FRAS1: variants seen among roughly 807,000 people sequenced by gnomAD.
FRAS1 encodes extracellular matrix organizing protein FRAS1.
Under a neutral mutation model 435.2 loss-of-function variants are expected in FRAS1, and 290 were observed. The observed-to-expected ratio is 0.67, with a 90% CI of 0.61 to 0.73. The LOEUF (loss-of-function observed/expected upper bound fraction) is 0.73, where lower values mean the gene tolerates loss of function less well. Among genes scored for constraint, FRAS1 ranks in the 30% least tolerant of loss-of-function variants. The pLI is 0.00. For missense variants in FRAS1, 4,860 were observed against 5,001.5 expected, an observed-to-expected ratio of 0.97 and a Z score of 0.85; for synonymous variants, 1,800 against 1,851.0, an observed-to-expected ratio of 0.97 and a Z score of 0.71.
At chr4:78,418,359 T>C (rs1395345400) in intron 32 of FRAS1, among the ~76,000 whole-genome samples, 1 of 152,156 alleles carries the variant, frequency 6.6e-6, no homozygotes, top group Non-Finnish European at 1.5e-5. Context: ...GCATCACAGT[T>C]TCCATTAGCA....
chr4:78,078,784 T>C (rs1322167296), intron 2 of FRAS1, among the ~76,000 whole-genome samples: 3 of 152,098 alleles, frequency 2.0e-5, no homozygotes, highest in Non-Finnish European at 4.4e-5. Context: ...AAAATACAAG[T>C]AGCAAACAAA....
At chr4:78,286,356 A>G in intron 13 of FRAS1, 49 bp from the exon 14 acceptor site, 1 of 1,609,478 alleles carries the variant, frequency 6.2e-7, no homozygotes, top group South Asian at 1.1e-5. Flanking sequence ...GGTGTCTTTC[A>G]GCTAATCAAA....
chr4:78,463,506 T>C (rs932496083), intron 47 of FRAS1, among the ~76,000 whole-genome samples: 4 of 152,170 alleles, frequency 2.6e-5, no homozygotes, highest in Non-Finnish European at 5.9e-5. Context: ...AAAAAGAACC[T>C]TGAAGAATAT....
intron 45 of FRAS1, 98 bp downstream of exon 45, chr4:78,450,437 G>C (rs1226938486): frequency 6.1e-5 from 59 of 961,836 alleles, no homozygotes; most frequent in Non-Finnish European, 1.2e-5. Context: ...AATAAACTGT[G>C]CACTCTTTGT....
At chr4:78,234,514 C>G (rs945528159) in intron 2 of FRAS1, among the ~76,000 whole-genome samples, 1 of 152,078 alleles carries the variant, frequency 6.6e-6, no homozygotes, top group African/African-American at 2.4e-5. Context: ...CGTGAGCTGC[C>G]GCACCTGGCC....
chr4:78,195,508 G>A (rs1722763051), intron 2 of FRAS1, among the ~76,000 whole-genome samples: 1 of 152,224 alleles, frequency 6.6e-6, no homozygotes, highest in African/African-American at 2.4e-5. Context: ...CCACCTTGCA[G>A]TTTGATCTCA....
At chr4:78,400,936 T>G (rs778530682) in intron 30 of FRAS1, 49 bp downstream of exon 30, 1 of 1,582,840 alleles carries the variant, frequency 6.3e-7, no homozygotes, top group South Asian at 1.1e-5. Context: ...TTCAGCAGTC[T>G]AGGGTTTGCT....
At chr4:78,157,113 A>G (rs1375040178) in intron 2 of FRAS1, among the ~76,000 whole-genome samples, 6 of 152,114 alleles carry the variant, frequency 3.9e-5, no homozygotes, top group South Asian at 4.1e-4. Context: ...ACCTAGGACA[A>G]TGGCCTCCAG....
chr4:78,191,534 C>T (rs201453308), intron 2 of FRAS1, among the ~76,000 whole-genome samples: 5 of 142,810 alleles, frequency 3.5e-5, no homozygotes, highest in Admixed American at 6.9e-5. Flanking sequence ...GTATTATTTT[C>T]TTTTTTTTTT....
chr4:78,255,841 C>T (rs1006271264), intron 6 of FRAS1, among the ~76,000 whole-genome samples: 11 of 152,276 alleles, frequency 7.2e-5, no homozygotes, highest in African/African-American at 2.4e-4. Flanking sequence ...TCTCTGAGGA[C>T]GTTTAAGATA....
At chr4:78,535,468 GA>G (rs1187813810) in intron 71 of FRAS1, among the ~76,000 whole-genome samples, 3 of 152,112 alleles carry the variant, frequency 2.0e-5, no homozygotes, top group Non-Finnish European at 4.4e-5. Context: ...CCCAAGTCTG[GA>G]CTTGTCTCCT....
chr4:78,274,935 T>A (rs1726917110), intron 9 of FRAS1, among the ~76,000 whole-genome samples: 1 of 152,142 alleles, frequency 6.6e-6, no homozygotes. Flanking sequence ...CCCATTATTA[T>A]TGTGTGGGAG....
intron 2 of FRAS1, among the ~76,000 whole-genome samples, chr4:78,072,828 TG>T (rs1183185304): frequency 2.6e-5 from 4 of 152,136 alleles, no homozygotes; most frequent in Non-Finnish European, 5.9e-5. Context: ...ACATCCTTAC[TG>T]TGCTAGGTGT....
At chr4:78,442,816 G>A (rs1734709266) in intron 41 of FRAS1, among the ~76,000 whole-genome samples, 1 of 152,182 alleles carries the variant, frequency 6.6e-6, no homozygotes, top group South Asian at 2.1e-4. Context: ...TAGGAGGTTG[G>A]TGTGGGCCTG....
intron 2 of FRAS1, among the ~76,000 whole-genome samples, chr4:78,190,532 A>T (rs1392709138): frequency 6.6e-6 from 1 of 150,472 alleles, no homozygotes; most frequent in African/African-American, 2.4e-5. Flanking sequence ...AAGTCTTCCC[A>T]CCCACCTATC....
chr4:78,387,274 A>G lies in FRAS1; in HGVS notation c.3649-101A>G, dbSNP rs532906381. ...AGTTTGGTGCTTTGCTAGAACACTT[A>G]GAGTTTCTCAAAAAGTATAGGAATA... On this transcript the variant is annotated intron_variant, in intron 28 of 73. Coordinates refer to ENST00000512123, the MANE Select transcript of FRAS1 (RefSeq NM_025074.7). The G allele has an allele frequency of 4.0e-5, 35 of 865,426 alleles. No individual in the cohort carries two copies. The Admixed American group carries it at 8.2e-4, about 20-fold the overall frequency. The allele number at this position is 865,426 out of a possible 1,614,324, so 53.6% of individuals were successfully genotyped here.
At position 78,112,709 on chromosome 4, in the gene FRAS1, G is replaced by T. The variant is rs542973732; in HGVS notation, c.108+46693G>T. Among the ~76,000 whole-genome samples, 41 of 152,074 alleles carry T rather than the reference G, an allele frequency of 2.7e-4. 1 individual carries two copies. The highest frequency in any genetic ancestry group is 3.4e-3 in the Middle Eastern group (1 of 294). ...AACAATCAAATGTCTATGCTTCATAGATATATTTTTCTTTTAATACATTTA... is the reference window on the plus strand; with the variant it reads ...AACAATCAAATGTCTATGCTTCATATATATATTTTTCTTTTAATACATTTA... On this transcript the variant is annotated intron_variant, in intron 2 of 73. Transcript: ENST00000512123.
At chr4:78,290,470 T>G (rs2110193056) in intron 14 of FRAS1, among the ~76,000 whole-genome samples, 1 of 151,842 alleles carries the variant, frequency 6.6e-6, no homozygotes, top group African/African-American at 2.4e-5. Flanking sequence ...TCTTTTTTTT[T>G]TTTTGAGAGG....
At chr4:78,125,103 C>A (rs770036614) in intron 2 of FRAS1, among the ~76,000 whole-genome samples, 1 of 152,158 alleles carries the variant, frequency 6.6e-6, no homozygotes. Flanking sequence ...TTAGATCTCT[C>A]CTGCTTTCTC....
Sources: allele counts gnomAD v4.1 joint callset (sites outside exome capture counted in the v4.1 genomes callset), GRCh38; gene constraint gnomAD v4.1.1; transcripts MANE v1.5; gene names NCBI Gene and HGNC (gene_info 2026-07-23, HGNC 2026-07-21).